The following PHACTR1 variants were observed in gnomAD, a reference collection of about 807,000 sequenced individuals.
PHACTR1 encodes the protein RPEL repeat containing 1.
Under a neutral mutation model 69.2 loss-of-function variants are expected in PHACTR1, and 16 were observed. That is an observed-to-expected ratio of 0.23 (90% CI 0.16 to 0.35). The LOEUF (loss-of-function observed/expected upper bound fraction) is 0.35. Ranked by LOEUF, PHACTR1 falls within the 10% of genes least tolerant of loss-of-function variation. The pLI is 1.00. For missense variants in PHACTR1, 510 were observed against 734.7 expected (o/e 0.69, Z 3.54); for synonymous variants, 312 against 284.5 (o/e 1.10, Z -0.97).
intron 5 of PHACTR1, among the ~76,000 whole-genome samples, chr6:13,121,382 T>C (rs1818704335): frequency 6.6e-6 from 1 of 152,066 alleles, no homozygotes; most frequent in African/African-American, 2.4e-5. Flanking sequence ...GCCTCAGTTT[T>C]CCCCTCTGTA....
intron 4 of PHACTR1, among the ~76,000 whole-genome samples, chr6:13,048,963 G>A (rs894394807): frequency 6.6e-6 from 1 of 152,166 alleles, no homozygotes; most frequent in African/African-American, 2.4e-5. Flanking sequence ...AAATGTAATG[G>A]GGTGATTAAA....
At chr6:13,177,172 TAAAAA>T (rs530741132) in intron 6 of PHACTR1, among the ~76,000 whole-genome samples, 14,323 of 62,346 alleles carry the variant, frequency 0.23, 1,250 homozygotes, top group East Asian at 0.45. Flanking sequence ...ACCCCATCTC[TAAAAA>T]AAAAAAAAAA....
chr6:12,926,123 C>G (rs1281176913), intron 4 of PHACTR1, among the ~76,000 whole-genome samples: 2 of 152,154 alleles, frequency 1.3e-5, no homozygotes, highest in Non-Finnish European at 2.9e-5. Context: ...AATGCTGCCT[C>G]TCAGACCCCT....
At chr6:12,749,590 C>A (rs749990939) in intron 3 of PHACTR1, 54 bp from the exon 4 acceptor site, 16 of 1,229,242 alleles carry the variant, frequency 1.3e-5, no homozygotes, top group Middle Eastern at 4.2e-4. Flanking sequence ...CTTCCTCTCC[C>A]CTCCTCCCCC....
chr6:12,751,764 C>A (rs1009532864), intron 4 of PHACTR1, among the ~76,000 whole-genome samples: 1 of 152,170 alleles, frequency 6.6e-6, no homozygotes, highest in African/African-American at 2.4e-5. Context: ...TCAGTCCCTT[C>A]TATATGTCCC....
chr6:13,227,913 A>G lies in PHACTR1; in HGVS notation c.1084A>G (p.Ile362Val). ...TKAGPMGLPE[I>V]RQVPTVVIEC... is the part of the protein sequence containing the mutation. ...AGCAGGACCTATGGGCCTTCCAGAA[A>G]TAAGACAAGTGCCAACTGTTGTGAT... The change falls in exon 9 of 15, where the codon ATA becomes GTA. Residue 362 changes from isoleucine (I) to valine (V), a missense_variant. This residue lies in a region of PHACTR1 where 419 missense variants were observed against 530.9 expected (regional missense o/e 0.79). Transcript: ENST00000332995. 6.2e-7 allele frequency: 1 copy of G among 1,614,028 alleles called. No individual in the cohort carries two copies. The highest frequency in any genetic ancestry group is 8.5e-7 in the Non-Finnish European group (1 of 1,179,900).
rs769705349 is a variant in PHACTR1 at position 13,283,686 on chromosome 6, G to A, written c.1650+124G>A. 1.5e-5 allele frequency: 21 copies of A among 1,435,378 alleles called. No homozygotes were observed. In the Admixed American group the frequency reaches 3.3e-4, roughly 23 times the overall value. The allele number at this position is 1,435,378 out of a possible 1,614,324, so 88.9% of individuals were successfully genotyped here. On this transcript the variant is annotated intron_variant, in intron 13 of 14. Coordinates refer to ENST00000332995, the MANE Select transcript of PHACTR1 (RefSeq NM_030948.6). This position sits in a 1 kb window ranked among gnomAD's most constrained non-coding sequence, Gnocchi z 4.7. ...CCTCAGCCGCAGTCCCCATAATGGA[G>A]TGTTGAGACCCCAACACCTTTCCCC...
At chr6:12,722,782 T>C (rs2127559089) in intron 3 of PHACTR1, among the ~76,000 whole-genome samples, 1 of 152,300 alleles carries the variant, frequency 6.6e-6, no homozygotes, top group African/African-American at 2.4e-5. Context: ...ATGTACAGGG[T>C]CCTCCTGTTT....
chr6:12,902,177 C>T (rs1375554977), intron 4 of PHACTR1, among the ~76,000 whole-genome samples: 4 of 152,150 alleles, frequency 2.6e-5, no homozygotes, highest in Non-Finnish European at 5.9e-5. Flanking sequence ...AATCCCAGCA[C>T]TTTGGGGGAC....
Position 13,119,565 on chromosome 6 carries a change from C to T in PHACTR1, c.416-40639C>T, listed in dbSNP as rs1818387493. 2.0e-5 allele frequency among the ~76,000 whole-genome samples: 3 copies of T among 152,150 alleles called. No homozygotes were observed. In the South Asian group the frequency reaches 6.2e-4, roughly 32 times the overall value. ...AATAGATGCTGGGGGAAGAGGCCCCCAGAGCTCCCAGCCCCTGCAGCTACA... is the reference window on the plus strand; with the variant it reads ...AATAGATGCTGGGGGAAGAGGCCCCTAGAGCTCCCAGCCCCTGCAGCTACA... On this transcript the variant is annotated intron_variant, in intron 5 of 14. Coordinates refer to ENST00000332995, the MANE Select transcript of PHACTR1 (RefSeq NM_030948.6).
intron 5 of PHACTR1, among the ~76,000 whole-genome samples, chr6:13,070,451 A>G (rs1404457589): frequency 6.6e-6 from 1 of 152,134 alleles, no homozygotes; most frequent in Non-Finnish European, 1.5e-5. Flanking sequence ...TATGCCTAAT[A>G]CCTGTTTGAT....
intron 4 of PHACTR1, among the ~76,000 whole-genome samples, chr6:12,766,873 C>T (rs1219080716): frequency 6.6e-6 from 1 of 152,062 alleles, no homozygotes; most frequent in Non-Finnish European, 1.5e-5. Flanking sequence ...TGATAGGTAA[C>T]TTTATTATTG....
intron 4 of PHACTR1, among the ~76,000 whole-genome samples, chr6:12,968,762 C>A (rs1036332781): frequency 1.3e-5 from 2 of 152,164 alleles, no homozygotes; most frequent in African/African-American, 2.4e-5. Flanking sequence ...CACAAATGGA[C>A]TCCACTGATC....
intron 4 of PHACTR1, among the ~76,000 whole-genome samples, chr6:13,047,557 G>A (rs1320635027): frequency 2.0e-5 from 3 of 151,916 alleles, no homozygotes; most frequent in South Asian, 4.2e-4. Context: ...CAACATAAAC[G>A]TTCTGTTATT....
chr6:13,194,426 G>GA (rs1561973465), intron 7 of PHACTR1, among the ~76,000 whole-genome samples: 14 of 117,068 alleles, frequency 1.2e-4, no homozygotes, highest in Non-Finnish European at 2.2e-4. Context: ...AAGAAAGAAA[G>GA]GAAAAAGAAA....
chr6:13,283,282 G>T lies in PHACTR1; in HGVS notation c.1510-140G>T. ...GTCCCCCCACCCTGGCCCTCCCCCT[G>T]CCCCTGCCCCTCACTCACTATGCGA... On this transcript the variant is annotated intron_variant, in intron 12 of 14. Transcript: ENST00000332995. The surrounding 1 kb of genome is among the most constrained non-coding windows in gnomAD (Gnocchi z 4.7). 40 of 660,688 alleles carry T rather than the reference G, an allele frequency of 6.1e-5. No homozygotes were observed. Among genetic ancestry groups the T allele is most frequent in the South Asian group, 9.4e-5 (5 of 53,400 alleles). 40.9% of individuals were successfully genotyped at this position (660,688 alleles called of 1,614,324 possible).
At chr6:13,103,101 T>C (rs1347203068) in intron 5 of PHACTR1, among the ~76,000 whole-genome samples, 1 of 152,242 alleles carries the variant, frequency 6.6e-6, no homozygotes, top group Non-Finnish European at 1.5e-5. Flanking sequence ...ATTTTTCTAC[T>C]TATTTCCACC....
At chr6:13,183,661 A>G (rs954453767) in intron 7 of PHACTR1, among the ~76,000 whole-genome samples, 1 of 152,094 alleles carries the variant, frequency 6.6e-6, no homozygotes, top group Non-Finnish European at 1.5e-5. Context: ...AGTCCCTTAC[A>G]GGCTTTCTCA....
chr6:12,905,931 A>T (rs2127488810), intron 4 of PHACTR1, among the ~76,000 whole-genome samples: 1 of 152,342 alleles, frequency 6.6e-6, no homozygotes, highest in East Asian at 1.9e-4. Context: ...TGAATGAATA[A>T]CTTTTAGTAT....
Sources: allele counts gnomAD v4.1 joint callset (sites outside exome capture counted in the v4.1 genomes callset), GRCh38; gene constraint gnomAD v4.1.1; regional missense constraint gnomAD v4.1.1; non-coding constraint Gnocchi (gnomAD v3.1); transcripts MANE v1.5; gene names NCBI Gene and HGNC (gene_info 2026-07-23, HGNC 2026-07-21).